Variants in CAMK1D observed in about 807,000 individuals in gnomAD.
CAMK1D encodes the protein calcium/calmodulin dependent protein kinase ID, also known as calcium/calmodulin-dependent protein kinase type 1D.
Under a neutral mutation model 47.7 loss-of-function variants are expected in CAMK1D, and 9 were observed. The observed-to-expected ratio is 0.19, with a 90% CI of 0.11 to 0.33. The LOEUF (loss-of-function observed/expected upper bound fraction) is 0.33, where lower values mean the gene tolerates loss of function less well. CAMK1D is among the 10% of genes least tolerant of loss of function. The probability of loss-of-function intolerance (pLI) is 1.00; values close to 1 mark genes in which losing one functional copy is unlikely to be tolerated. For synonymous variants in CAMK1D, 184 were observed against 184.9 expected, an observed-to-expected ratio of 0.99 and a Z score of 0.04; for missense variants, 291 against 488.7, an observed-to-expected ratio of 0.60 and a Z score of 3.81.
intron 1 of CAMK1D, among the ~76,000 whole-genome samples, chr10:12,421,422 G>A (rs1306417177): frequency 1.3e-5 from 2 of 148,718 alleles, no homozygotes; most frequent in African/African-American, 4.9e-5. Context: ...AGTCCAGCCA[G>A]AATGATCAAA....
At chr10:12,746,672 C>T (rs576488639) in intron 3 of CAMK1D, among the ~76,000 whole-genome samples, 49 of 152,242 alleles carry the variant, frequency 3.2e-4, no homozygotes, top group East Asian at 2.1e-3. Flanking sequence ...CTTCTATAAT[C>T]GTGACCAGAG....
At chr10:12,453,439 C>T (rs771666895) in intron 1 of CAMK1D, among the ~76,000 whole-genome samples, 5 of 152,020 alleles carry the variant, frequency 3.3e-5, no homozygotes, top group Admixed American at 6.6e-5. Flanking sequence ...CCGCCTGCCT[C>T]GGCCTCCCAA....
intron 1 of CAMK1D, among the ~76,000 whole-genome samples, chr10:12,431,870 G>C (rs1033662393): frequency 2.6e-5 from 4 of 152,222 alleles, no homozygotes; most frequent in African/African-American, 9.7e-5. Flanking sequence ...GGCAACCTCT[G>C]ATGATTCCTG....
chr10:12,453,356 A>G (rs1270174151), intron 1 of CAMK1D, among the ~76,000 whole-genome samples: 1 of 151,698 alleles, frequency 6.6e-6, no homozygotes, highest in Non-Finnish European at 1.5e-5. Flanking sequence ...CGCCCGGCTA[A>G]TTGTTGTATT....
chr10:12,763,953 A>G (rs902739314), intron 4 of CAMK1D, among the ~76,000 whole-genome samples: 1 of 151,812 alleles, frequency 6.6e-6, no homozygotes, highest in Non-Finnish European at 1.5e-5. Context: ...TGTGGCCCCC[A>G]CCCCCACAGC....
intron 8 of CAMK1D, among the ~76,000 whole-genome samples, chr10:12,822,699 T>A (rs903134390): frequency 6.6e-6 from 1 of 152,240 alleles, no homozygotes; most frequent in East Asian, 1.9e-4. Flanking sequence ...TGGACTGGCA[T>A]CCTTTTCTGA....
intron 8 of CAMK1D, among the ~76,000 whole-genome samples, chr10:12,821,541 G>A (rs994277928): frequency 6.6e-6 from 1 of 152,194 alleles, no homozygotes; most frequent in Non-Finnish European, 1.5e-5. Flanking sequence ...AGCCAGGAAG[G>A]TAGAAGAGAC....
rs1253828685 is a variant in CAMK1D at position 12,373,887 on chromosome 10, C to T, written c.92+23977C>T. On this transcript the variant is annotated intron_variant, in intron 1 of 10. Coordinates refer to ENST00000619168, the MANE Select transcript of CAMK1D (RefSeq NM_153498.4). ...GTCAGGAGTTCGAGACCAGGGTGGC[C>T]AACATGGTGAAACCCCATCTCTACT... is the stretch of plus-strand genomic sequence containing the variant. Among the ~76,000 whole-genome samples, 3 of 142,192 alleles carry T rather than the reference C, an allele frequency of 2.1e-5. No individual in the cohort carries two copies. In the East Asian group the frequency reaches 6.4e-4, roughly 30 times the overall value. 93.3% of individuals were successfully genotyped at this position (142,192 alleles called of 152,430 possible).
chr10:12,595,316 T>TG (rs1838110746), intron 2 of CAMK1D, among the ~76,000 whole-genome samples: 1 of 88,236 alleles, frequency 1.1e-5, no homozygotes, highest in African/African-American at 4.4e-5. Context: ...CACTCTGGCC[T>TG]GGGCAACAAG....
chr10:12,514,475 T>C (rs1355588849), intron 1 of CAMK1D, among the ~76,000 whole-genome samples: 1 of 152,212 alleles, frequency 6.6e-6, no homozygotes, highest in African/African-American at 2.4e-5. Flanking sequence ...GGGTTCACAC[T>C]AGTGAATTTA....
chr10:12,445,480 C>T (rs1055066005), intron 1 of CAMK1D, among the ~76,000 whole-genome samples: 1 of 152,172 alleles, frequency 6.6e-6, no homozygotes. Flanking sequence ...TGCTCTTGTT[C>T]CTTGGCTGGT....
chr10:12,523,788 G>A (rs531368799), intron 1 of CAMK1D, among the ~76,000 whole-genome samples: 1 of 152,326 alleles, frequency 6.6e-6, no homozygotes, highest in Admixed American at 6.5e-5. Flanking sequence ...GGGAGCGGGA[G>A]AGGTATATGA....
At chr10:12,799,310 G>C (rs886402335) in intron 6 of CAMK1D, among the ~76,000 whole-genome samples, 12 of 152,182 alleles carry the variant, frequency 7.9e-5, no homozygotes, top group Non-Finnish European at 1.5e-5. Context: ...GCAGTGAAAG[G>C]CCTCAGCCAA....
intron 2 of CAMK1D, among the ~76,000 whole-genome samples, chr10:12,611,588 CT>C (rs71386105): frequency 0.018 from 1,065 of 59,892 alleles, 12 homozygotes; most frequent in African/African-American, 0.05. Context: ...TTCAGAATGC[CT>C]TTTTTTTTTT....
At chr10:12,779,637 C>T (rs1368508839) in intron 5 of CAMK1D, among the ~76,000 whole-genome samples, 1 of 152,148 alleles carries the variant, frequency 6.6e-6, no homozygotes, top group Non-Finnish European at 1.5e-5. Flanking sequence ...CACTTTGTTG[C>T]TCAGGCTGGT....
intron 2 of CAMK1D, among the ~76,000 whole-genome samples, chr10:12,650,740 C>T (rs1021247014): frequency 1.3e-5 from 2 of 152,150 alleles, no homozygotes; most frequent in Admixed American, 6.5e-5. Flanking sequence ...GATGTCCTAA[C>T]GGCTGTTGTA....
At chr10:12,444,098 T>A (rs1479004162) in intron 1 of CAMK1D, among the ~76,000 whole-genome samples, 1 of 152,200 alleles carries the variant, frequency 6.6e-6, no homozygotes, top group Non-Finnish European at 1.5e-5. Flanking sequence ...CAGAGGTCAC[T>A]GTCATCGCCA....
intron 1 of CAMK1D, among the ~76,000 whole-genome samples, chr10:12,449,018 A>C (rs767961698): frequency 1.3e-5 from 2 of 152,216 alleles, no homozygotes; most frequent in Admixed American, 6.5e-5. Flanking sequence ...CCTGGTACAC[A>C]GCAAGCGGTT....
At chr10:12,713,673 A>T (rs1416738143) in intron 3 of CAMK1D, among the ~76,000 whole-genome samples, 1 of 152,076 alleles carries the variant, frequency 6.6e-6, no homozygotes, top group Non-Finnish European at 1.5e-5. Flanking sequence ...GTTTGTTAGG[A>T]TGTGGTCAGA....
Sources: allele counts gnomAD v4.1 joint callset (sites outside exome capture counted in the v4.1 genomes callset), GRCh38; gene constraint gnomAD v4.1.1; transcripts MANE v1.5; gene names NCBI Gene and HGNC (gene_info 2026-07-23, HGNC 2026-07-21).